SH3PXD2A: variants seen among roughly 807,000 people sequenced by gnomAD.
SH3PXD2A encodes the protein SH3 and PX domain-containing protein 2A.
SH3PXD2A carries 32 observed loss-of-function variants against 115.2 expected under a neutral mutation model. The ratio of observed to expected loss-of-function variants is 0.28; its 90% CI spans 0.21 to 0.37. The LOEUF (loss-of-function observed/expected upper bound fraction) is 0.37, where lower values mean the gene tolerates loss of function less well. SH3PXD2A is among the 10% of genes least tolerant of loss of function. The probability of loss-of-function intolerance (pLI) is 1.00; values close to 1 mark genes in which losing one functional copy is unlikely to be tolerated. For synonymous variants in SH3PXD2A, 610 were observed against 629.1 expected (o/e 0.97, Z 0.45); for missense variants, 1,328 against 1,498.7 (o/e 0.89, Z 1.88).
Position 103,636,653 on chromosome 10 carries a change from G to A in SH3PXD2A, c.605-9451C>T, listed in dbSNP as rs76010445. 4.6e-3 allele frequency among the ~76,000 whole-genome samples: 704 copies of A among 152,232 alleles called. 4 individuals are homozygous for A. The highest frequency in any genetic ancestry group is 0.01 in the Middle Eastern group (3 of 294). ...GGCCTCCTTAAGGAGGGAGAATAAT[G>A]AGCTCGTTAGGGCCAGAGTCAGGCC... is the stretch of plus-strand genomic sequence containing the variant. On this transcript the variant is annotated intron_variant, in intron 8 of 14. Transcript: ENST00000369774.
chr10:103,737,580 A>G (rs2134187816), intron 3 of SH3PXD2A, among the ~76,000 whole-genome samples: 1 of 152,336 alleles, frequency 6.6e-6, no homozygotes, highest in Admixed American at 6.5e-5. Context: ...CTAGAGCTCA[A>G]TTCTGCTGGG....
chr10:103,834,116 G>A (rs2039507694), intron 1 of SH3PXD2A, among the ~76,000 whole-genome samples: 1 of 152,110 alleles, frequency 6.6e-6, no homozygotes, highest in African/African-American at 2.4e-5. Flanking sequence ...AAGGTGCTGG[G>A]GCAGGGGAGA....
intron 14 of SH3PXD2A, 69 bp from the exon 15 acceptor site, chr10:103,603,858 A>C: frequency 6.9e-7 from 1 of 1,456,034 alleles, no homozygotes; most frequent in Non-Finnish European, 9.1e-7. Flanking sequence ...CCAAGGTAGG[A>C]GTATCATACT....
intron 5 of SH3PXD2A, among the ~76,000 whole-genome samples, chr10:103,706,149 G>A (rs1226780652): frequency 1.3e-5 from 2 of 152,246 alleles, no homozygotes; most frequent in Non-Finnish European, 2.9e-5. Flanking sequence ...GTGGGTCACA[G>A]TGTCACAGCG....
chr10:103,791,356 A>C (rs190396609), intron 2 of SH3PXD2A, among the ~76,000 whole-genome samples: 41 of 152,364 alleles, frequency 2.7e-4, no homozygotes, highest in African/African-American at 9.4e-4. Context: ...GGCCTGGATC[A>C]AATGCACACA....
At chr10:103,701,273 C>T (rs1261607299) in intron 5 of SH3PXD2A, among the ~76,000 whole-genome samples, 2 of 149,030 alleles carry the variant, frequency 1.3e-5, no homozygotes, top group Admixed American at 6.7e-5. Context: ...ATCCATCCAT[C>T]ATCTATCCAT....
chr10:103,802,898 C>T (rs961479245), intron 1 of SH3PXD2A, among the ~76,000 whole-genome samples: 1 of 152,106 alleles, frequency 6.6e-6, no homozygotes, highest in African/African-American at 2.4e-5. Context: ...GCTGGGGGGA[C>T]TCTACCCTAA....
At chr10:103,631,187 C>T (rs776291521) in intron 8 of SH3PXD2A, among the ~76,000 whole-genome samples, 2 of 152,214 alleles carry the variant, frequency 1.3e-5, no homozygotes, top group Middle Eastern at 3.4e-3. Flanking sequence ...ATCAGTCGAG[C>T]CCAGGAGTTT....
chr10:103,714,787 T>C (rs756467516), intron 5 of SH3PXD2A, among the ~76,000 whole-genome samples: 23 of 152,336 alleles, frequency 1.5e-4, no homozygotes, highest in Non-Finnish European at 3.1e-4. Context: ...AAGGACAGTG[T>C]GGCCCACGTC....
At chr10:103,798,628 C>T (rs1047696981) in intron 2 of SH3PXD2A, among the ~76,000 whole-genome samples, 1 of 152,172 alleles carries the variant, frequency 6.6e-6, no homozygotes, top group Non-Finnish European at 1.5e-5. Flanking sequence ...TGGTGAAACC[C>T]GGGGAGCAGC....
intron 1 of SH3PXD2A, among the ~76,000 whole-genome samples, chr10:103,842,297 T>G (rs1458833858): frequency 6.6e-6 from 1 of 152,102 alleles, no homozygotes; most frequent in African/African-American, 2.4e-5. Flanking sequence ...TTATACAAAT[T>G]TTGGGGGTAC....
intron 3 of SH3PXD2A, among the ~76,000 whole-genome samples, chr10:103,763,342 C>T (rs570242235): frequency 2.8e-4 from 42 of 152,342 alleles, no homozygotes; most frequent in Admixed American, 4.6e-4. Flanking sequence ...AAATGCTCAG[C>T]ACATCCCAGC....
chr10:103,792,122 C>A (rs765513909), intron 2 of SH3PXD2A, among the ~76,000 whole-genome samples: 10 of 152,252 alleles, frequency 6.6e-5, no homozygotes, highest in Non-Finnish European at 1.2e-4. Flanking sequence ...ATGGAAGCCC[C>A]ACAAGGCTCC....
At chr10:103,639,492 C>A (rs2036916574) in intron 8 of SH3PXD2A, among the ~76,000 whole-genome samples, 1 of 151,960 alleles carries the variant, frequency 6.6e-6, no homozygotes, top group Non-Finnish European at 1.5e-5. Context: ...TGCCTGTAGT[C>A]CCAGCTACTT....
chr10:103,669,050 C>A (rs1178849637), intron 6 of SH3PXD2A, among the ~76,000 whole-genome samples: 1 of 152,210 alleles, frequency 6.6e-6, no homozygotes, highest in African/African-American at 2.4e-5. Flanking sequence ...CAAGGATCCT[C>A]AAAGGCCAGC....
chr10:103,640,771 T>C lies in SH3PXD2A; in HGVS notation c.605-13569A>G, dbSNP rs1042825716. The stretch of plus-strand genomic sequence containing the variant: ...GAGCCTGGGAAGGGGCTCTGCACAC[T>C]CACCCAGGCAGTGTCGGTCAGAAGG... On this transcript the variant is annotated intron_variant, in intron 8 of 14. Transcript: ENST00000369774. Among the ~76,000 whole-genome samples, 6 of 152,182 alleles carry C rather than the reference T, an allele frequency of 3.9e-5. No individual in the cohort carries two copies. The South Asian group carries it at 1.2e-3, about 32-fold the overall frequency.
intron 8 of SH3PXD2A, among the ~76,000 whole-genome samples, chr10:103,660,502 C>T (rs888812402): frequency 6.6e-6 from 1 of 152,110 alleles, no homozygotes; most frequent in Admixed American, 6.5e-5. Flanking sequence ...CCCCAACCAA[C>T]GCCCGCAGGC....
intron 12 of SH3PXD2A, among the ~76,000 whole-genome samples, chr10:103,612,068 A>C (rs1486890909): frequency 1.3e-5 from 2 of 152,230 alleles, no homozygotes; most frequent in East Asian, 3.8e-4. Flanking sequence ...GATTTCAGGC[A>C]CGAGAGCTAA....
At chr10:103,725,832 A>G (rs1432392638) in intron 4 of SH3PXD2A, among the ~76,000 whole-genome samples, 1 of 152,116 alleles carries the variant, frequency 6.6e-6, no homozygotes, top group Non-Finnish European at 1.5e-5. Context: ...CTGTCTCAAA[A>G]AAATATAAAT....
Sources: gnomAD v4.1 joint callset for allele counts (sites outside exome capture counted in the v4.1 genomes callset) on GRCh38, gnomAD v4.1.1 for gene constraint, MANE v1.5 for transcripts, NCBI Gene and HGNC (gene_info 2026-07-23, HGNC 2026-07-21) for gene names.